The following RAD51 variants were observed in gnomAD, a reference collection of about 807,000 sequenced individuals.
The protein encoded by RAD51 is RAD51 recombinase.
In RAD51, 14 loss-of-function variants were observed where a neutral mutation model predicts 41.5. The ratio of observed to expected loss-of-function variants is 0.34; its 90% confidence interval spans 0.22 to 0.53. RAD51 has a LOEUF of 0.53. Ranked by LOEUF, RAD51 falls within the 20% of genes least tolerant of loss-of-function variation. The pLI is 0.95. For missense variants in RAD51, 234 were observed against 422.0 expected, an observed-to-expected ratio of 0.55 and a Z score of 3.90; for synonymous variants, 136 against 148.6, an observed-to-expected ratio of 0.92 and a Z score of 0.62.
rs139511094 is a variant in RAD51, at chr15:40,704,701, G to T, written c.226-1476G>T. 1.5e-3 allele frequency among the ~76,000 whole-genome samples: 192 copies of T among 131,864 alleles called. 5 individuals are homozygous for T. In the East Asian group the frequency reaches 0.043, roughly 29 times the overall value. 86.5% of individuals were successfully genotyped at this position (131,864 alleles called of 152,430 possible). On this transcript the variant is annotated intron_variant, in intron 3 of 9. Coordinates refer to ENST00000267868, the MANE Select transcript of RAD51 (RefSeq NM_002875.5). ...TTTTTTTTTTTTGAGATGGAATCTC[G>T]CTGTGTCTCTCAGGCTGGAGTGCAG...
intron 6 of RAD51, among the ~76,000 whole-genome samples, chr15:40,725,283 C>T (rs1371167859): frequency 2.0e-5 from 3 of 152,146 alleles, no homozygotes; most frequent in Non-Finnish European, 4.4e-5. Context: ...TCTCCCTCCT[C>T]GGCCTCCCAA....
chr15:40,731,389 T>C lies in RAD51; in HGVS notation c.*211T>C. The C allele has an allele frequency of 1.7e-6, 1 of 588,110 alleles. No homozygotes were observed. Among genetic ancestry groups the C allele is most frequent in the East Asian group, 3.0e-5 (1 of 32,802 alleles). The allele number at this position is 588,110 out of a possible 1,614,324, so 36.4% of individuals were successfully genotyped here. A position where few individuals can be genotyped will look rare whatever the true frequency, so the allele number is the denominator to read the frequency against. On this transcript the variant is annotated 3_prime_UTR_variant, in exon 10 of 10. Coordinates refer to ENST00000267868, the MANE Select transcript of RAD51 (RefSeq NM_002875.5). The stretch of plus-strand genomic sequence containing the variant: ...TCTAAAATGTTTATTCCTTCTGTAG[T>C]GTATTAATCTCTGTGTGTTTTCTTT...
At chr15:40,706,407 T>G in intron 4 of RAD51, 113 bp downstream of exon 4, 1 of 947,078 alleles carries the variant, frequency 1.1e-6, no homozygotes, top group Admixed American at 2.0e-5. Context: ...GATAAAGAGA[T>G]AGAGGAAGGC....
At chr15:40,727,419 C>T (rs1463598435) in intron 6 of RAD51, among the ~76,000 whole-genome samples, 2 of 152,130 alleles carry the variant, frequency 1.3e-5, no homozygotes, top group Non-Finnish European at 2.9e-5. Context: ...AGCGATTCTC[C>T]TGCCTCAGCC....
At chr15:40,715,080 G>T (rs559691750) in intron 5 of RAD51, among the ~76,000 whole-genome samples, 195 of 152,194 alleles carry the variant, frequency 1.3e-3, no homozygotes, top group African/African-American at 4.6e-3. Context: ...ATGCCCATGC[G>T]GGCATGGTGG....
intron 6 of RAD51, 140 bp downstream of exon 6, chr15:40,719,039 T>A: frequency 1.3e-6 from 1 of 774,554 alleles, no homozygotes; most frequent in Non-Finnish European, 2.2e-6. Context: ...AATGACTTCC[T>A]TAGTAGAAAA....
intron 5 of RAD51, among the ~76,000 whole-genome samples, chr15:40,715,806 A>G (rs138517530): frequency 2.2e-4 from 33 of 152,312 alleles, no homozygotes; most frequent in African/African-American, 7.0e-4. Flanking sequence ...TCATGTTAGC[A>G]CTTAATATTA....
intron 4 of RAD51, among the ~76,000 whole-genome samples, chr15:40,708,079 C>G (rs1216496790): frequency 7.1e-6 from 1 of 140,894 alleles, no homozygotes; most frequent in Admixed American, 7.8e-5. Context: ...AGTGCAGTGG[C>G]ATGATCTTGG....
At chr15:40,726,058 G>A (rs1896565039) in intron 6 of RAD51, among the ~76,000 whole-genome samples, 1 of 152,076 alleles carries the variant, frequency 6.6e-6, no homozygotes, top group Admixed American at 6.6e-5. Flanking sequence ...TGAAAACCAT[G>A]ACCACAATTG....
chr15:40,704,051 C>G (rs1895168633), intron 3 of RAD51, among the ~76,000 whole-genome samples: 1 of 151,476 alleles, frequency 6.6e-6, no homozygotes, highest in Admixed American at 6.6e-5. Context: ...CACAGGCACG[C>G]CCCACCATGC....
chr15:40,710,501 CA>C (rs747933816), intron 5 of RAD51, among the ~76,000 whole-genome samples: 684 of 48,754 alleles, frequency 0.014, 2 homozygotes, highest in Non-Finnish European at 0.021. Flanking sequence ...GACTCTGTCT[CA>C]AAAAAAAAAA....
chr15:40,716,427 CATG>C (rs1000456563), intron 5 of RAD51, among the ~76,000 whole-genome samples: 2 of 151,786 alleles, frequency 1.3e-5, no homozygotes, highest in African/African-American at 4.8e-5. Context: ...AGTGCAGTGG[CATG>C]ATATCGCTCA....
intron 6 of RAD51, among the ~76,000 whole-genome samples, chr15:40,725,460 T>C (rs1278963642): frequency 6.6e-6 from 1 of 152,214 alleles, no homozygotes; most frequent in African/African-American, 2.4e-5. Flanking sequence ...CTAATAAAAA[T>C]AGCCCTCTTT....
intron 3 of RAD51, among the ~76,000 whole-genome samples, chr15:40,702,866 C>T (rs1441314403): frequency 6.6e-6 from 1 of 151,388 alleles, no homozygotes; most frequent in East Asian, 1.9e-4. Context: ...CTCTGTTGCC[C>T]AGGCTGGAGT....
rs1381079420 is a variant in RAD51, at chr15:40,732,116, A to C, written c.*938A>C. ...AACATTTCAGAGGGTAAGTAAACAG[A>C]TTTGATTGTGAGGCTTCTAATAAAG... On this transcript the variant is annotated 3_prime_UTR_variant, in exon 10 of 10. Transcript: ENST00000267868. The C allele has an allele frequency of 1.0e-5, 2 of 197,252 alleles. No homozygotes were observed. The highest frequency in any genetic ancestry group is 2.1e-5 in the Non-Finnish European group (2 of 95,300). The allele number at this position is 197,252 out of a possible 1,614,324, so 12.2% of individuals were successfully genotyped here.
intron 6 of RAD51, among the ~76,000 whole-genome samples, chr15:40,721,408 GAC>G (rs1354764654): frequency 1.1e-4 from 16 of 152,188 alleles, no homozygotes; most frequent in African/African-American, 3.9e-4. Flanking sequence ...CAATAACCAA[GAC>G]AATATGGTGA....
rs368706225 is a variant in RAD51 at position 40,731,003 on chromosome 15, G to A, written c.897-52G>A. 9.3e-6 allele frequency: 15 copies of A among 1,611,696 alleles called. No homozygotes were observed. In the African/African-American group the frequency reaches 1.1e-4, roughly 11 times the overall value. On this transcript the variant is annotated intron_variant, in intron 9 of 9. Coordinates refer to ENST00000267868, the MANE Select transcript of RAD51 (RefSeq NM_002875.5). ...TCAGCTCTGTTACAAAGTCAGGAAC[G>A]GAATTGTTTAATTATAATAAATTGG...
At chr15:40,700,845 T>C (rs1365979125) in intron 2 of RAD51, among the ~76,000 whole-genome samples, 1 of 152,154 alleles carries the variant, frequency 6.6e-6, no homozygotes, top group African/African-American at 2.4e-5. Context: ...ATGCAGGTAA[T>C]ACGCCATTTT....
chr15:40,702,832 T>TA (rs1291467037), intron 3 of RAD51, among the ~76,000 whole-genome samples: 1 of 150,130 alleles, frequency 6.7e-6, no homozygotes, highest in African/African-American at 2.4e-5. Context: ...TTTTTTTTTT[T>TA]AAAGAAAAAA....
Sources: allele counts gnomAD v4.1 joint callset (sites outside exome capture counted in the v4.1 genomes callset), GRCh38; gene constraint gnomAD v4.1.1; transcripts MANE v1.5; gene names NCBI Gene and HGNC (gene_info 2026-07-23, HGNC 2026-07-21).